The following ZNF280D variants were observed in gnomAD, a reference collection of about 807,000 sequenced individuals.
The protein encoded by ZNF280D is suppressor of hairy wing homolog 4.
ZNF280D carries 39 observed loss-of-function variants against 94.7 expected under a neutral mutation model. That is an observed-to-expected ratio of 0.41 (90% confidence interval 0.32 to 0.54). The LOEUF is 0.54. ZNF280D is among the 20% of genes least tolerant of loss of function. ZNF280D has a pLI of 0.22. For synonymous variants in ZNF280D, 398 were observed against 377.6 expected, an observed-to-expected ratio of 1.05 and a Z score of -0.63; for missense variants, 1,090 against 1,149.3, an observed-to-expected ratio of 0.95 and a Z score of 0.75.
At chr15:56,695,263 G>T (rs556127711) in intron 6 of ZNF280D, among the ~76,000 whole-genome samples, 1 of 151,962 alleles carries the variant, frequency 6.6e-6, no homozygotes, top group Non-Finnish European at 1.5e-5. Context: ...AGTAGAGACA[G>T]GGTTTCATCA....
chr15:56,679,791 C>T (rs1454574176), intron 10 of ZNF280D, among the ~76,000 whole-genome samples: 2 of 152,146 alleles, frequency 1.3e-5, no homozygotes, highest in African/African-American at 4.8e-5. Context: ...ATAATATATA[C>T]CTCTTTTCAC....
In ZNF280D at chr15:56,671,392, T is replaced by A. The variant is rs552698051; in HGVS notation, c.1411-2435A>T. Among the ~76,000 whole-genome samples, 23 of 152,304 alleles carry A rather than the reference T, an allele frequency of 1.5e-4. 1 individual carries two copies. In the Middle Eastern group the frequency reaches 0.014, roughly 90 times the overall value. On this transcript the variant is annotated intron_variant, in intron 13 of 21. Transcript: ENST00000267807. The stretch of plus-strand genomic sequence containing the variant: ...GGGTCCAGTTTCAGTTTTCTGCCTA[T>A]GGCCAGCCAGTTTCCCAATGACCAT...
rs1040856605 is a variant in ZNF280D at position 56,653,408 on chromosome 15, G to T, written c.2213+790C>A. ...TGGCCAAACAACATCAGCCTTATGG[G>T]AGGCCAGCCATGTAGAAAGGGAGTC... On this transcript the variant is annotated intron_variant, in intron 19 of 21. Transcript: ENST00000267807. 16 of 1,369,158 alleles carry T rather than the reference G, an allele frequency of 1.2e-5. No homozygotes were observed. In the African/African-American group the frequency reaches 1.9e-4, roughly 17 times the overall value. 84.8% of individuals were successfully genotyped at this position (1,369,158 alleles called of 1,614,324 possible). A position where few individuals can be genotyped will look rare whatever the true frequency, so the allele number is the denominator to read the frequency against.
intron 1 of ZNF280D, among the ~76,000 whole-genome samples, chr15:56,728,674 G>C (rs1189993932): frequency 1.3e-5 from 2 of 152,168 alleles, no homozygotes; most frequent in East Asian, 1.9e-4. Flanking sequence ...TTGTATGAAA[G>C]TTGCTAAGTA....
intron 19 of ZNF280D, chr15:56,653,578 A>C: frequency 6.6e-7 from 1 of 1,509,392 alleles, no homozygotes; most frequent in Non-Finnish European, 8.8e-7. Context: ...TATTTTTTGA[A>C]ATCTCTGGGC....
chr15:56,703,603 T>G (rs2057217539), intron 4 of ZNF280D, among the ~76,000 whole-genome samples: 1 of 152,180 alleles, frequency 6.6e-6, no homozygotes, highest in Non-Finnish European at 1.5e-5. Context: ...CCTGTAATTT[T>G]AGCACTTGGG....
At chr15:56,632,901 C>A (rs1871415753) in intron 21 of ZNF280D, among the ~76,000 whole-genome samples, 1 of 151,200 alleles carries the variant, frequency 6.6e-6, no homozygotes, top group Non-Finnish European at 1.5e-5. Flanking sequence ...AAAAAAAAAA[C>A]ACATGCCTGA....
chr15:56,662,101 T>C lies in ZNF280D; in HGVS notation c.1995-3615A>G, dbSNP rs926780016. Among the ~76,000 whole-genome samples the C allele has an allele frequency of 2.6e-5, 4 of 152,174 alleles. No individual in the cohort carries two copies. The South Asian group carries it at 6.2e-4, about 24-fold the overall frequency. On this transcript the variant is annotated intron_variant, in intron 16 of 21. Transcript: ENST00000267807. ...ATAAAACTCTGCTACAAAAAAGAGATACTGCTTATGTATGTTAACTTAATT... is the reference window on the plus strand; with the variant it reads ...ATAAAACTCTGCTACAAAAAAGAGACACTGCTTATGTATGTTAACTTAATT...
chr15:56,730,402 C>T (rs1234363642), intron 1 of ZNF280D: 1 of 152,128 alleles, frequency 6.6e-6, no homozygotes, highest in Non-Finnish European at 1.5e-5. Flanking sequence ...TAGAAATATC[C>T]AATTTCCTGT....
intron 18 of ZNF280D, 54 bp downstream of exon 18, chr15:56,654,331 A>G: frequency 1.3e-6 from 2 of 1,595,902 alleles, no homozygotes; most frequent in Non-Finnish European, 8.5e-7. Flanking sequence ...TGGATGACCA[A>G]AAATACTGGA....
intron 15 of ZNF280D, 55 bp downstream of exon 15, chr15:56,666,624 A>G (rs2054309141): frequency 2.0e-6 from 3 of 1,513,130 alleles, no homozygotes; most frequent in Admixed American, 2.3e-5. Flanking sequence ...TAACTAAAGT[A>G]TAAGTTTTTA....
chr15:56,676,399 C>T (rs2055235963), intron 13 of ZNF280D, among the ~76,000 whole-genome samples: 1 of 151,956 alleles, frequency 6.6e-6, no homozygotes, highest in African/African-American at 2.4e-5. Flanking sequence ...TTGGATATTC[C>T]ACTCAACTTT....
intron 20 of ZNF280D, among the ~76,000 whole-genome samples, chr15:56,638,278 A>T (rs1442783468): frequency 6.6e-6 from 1 of 152,210 alleles, no homozygotes; most frequent in East Asian, 1.9e-4. Flanking sequence ...GGGGCCAATA[A>T]GTTCCAAATG....
At chr15:56,677,187 G>A (rs2055291154) in intron 12 of ZNF280D, among the ~76,000 whole-genome samples, 3 of 152,130 alleles carry the variant, frequency 2.0e-5, no homozygotes, top group Admixed American at 6.6e-5. Context: ...CAGGTTTATG[G>A]CAATGGCAAT....
At chr15:56,662,871 C>CA (rs1243326885) in intron 16 of ZNF280D, among the ~76,000 whole-genome samples, 2 of 145,508 alleles carry the variant, frequency 1.4e-5, no homozygotes, top group African/African-American at 5.0e-5. Context: ...GAATAGTACA[C>CA]AATTCAAAGA....
intron 11 of ZNF280D, among the ~76,000 whole-genome samples, chr15:56,677,985 TC>T (rs1419146919): frequency 6.6e-6 from 1 of 151,584 alleles, no homozygotes; most frequent in Non-Finnish European, 1.5e-5. Flanking sequence ...GCTATCTTGC[TC>T]CAACATCTGT....
intron 19 of ZNF280D, chr15:56,652,619 T>A: frequency 1.0e-6 from 1 of 983,684 alleles, no homozygotes; most frequent in Non-Finnish European, 1.2e-6. Context: ...CTGGTCACCA[T>A]ATGTATGTTT....
At chr15:56,685,046 T>C (rs1330977759) in intron 9 of ZNF280D, among the ~76,000 whole-genome samples, 2 of 152,140 alleles carry the variant, frequency 1.3e-5, no homozygotes, top group Non-Finnish European at 2.9e-5. Flanking sequence ...CCCAGATTCC[T>C]CAAAAGCAAC....
At chr15:56,665,280 A>C (rs2054208976) in intron 16 of ZNF280D, among the ~76,000 whole-genome samples, 2 of 152,168 alleles carry the variant, frequency 1.3e-5, no homozygotes, top group African/African-American at 2.4e-5. Flanking sequence ...CTAATTTTAA[A>C]CAAAAACTGA....
Sources: allele counts gnomAD v4.1 joint callset (sites outside exome capture counted in the v4.1 genomes callset), GRCh38; gene constraint gnomAD v4.1.1; transcripts MANE v1.5; gene names NCBI Gene and HGNC (gene_info 2026-07-23, HGNC 2026-07-21).